Variants in CATSPERE observed in about 807,000 individuals in gnomAD.
CATSPERE encodes the protein cation channel sperm-associated auxiliary subunit epsilon.
A neutral mutation model predicts 114.1 loss-of-function variants in CATSPERE; 93 were observed. The ratio of observed to expected loss-of-function variants is 0.81; its 90% confidence interval spans 0.69 to 0.97. The LOEUF is 0.97. CATSPERE is among the 50% of genes least tolerant of loss of function. CATSPERE has a pLI of 0.00. For missense variants in CATSPERE, 1,058 were observed against 1,131.6 expected (o/e 0.93, Z 0.93); for synonymous variants, 341 against 384.1 (o/e 0.89, Z 1.31).
upstream of CATSPERE, chr1:244,454,317 G>T (rs1035295800): frequency 6.6e-6 from 1 of 152,230 alleles, no homozygotes; most frequent in Admixed American, 6.5e-5. Context: ...AAAAGTTTTT[G>T]AGCTTTGCCA....
intron 2 of CATSPERE, among the ~76,000 whole-genome samples, chr1:244,474,463 T>C (rs1332226398): frequency 6.6e-6 from 1 of 152,084 alleles, no homozygotes; most frequent in East Asian, 1.9e-4. Context: ...CAATTTCATG[T>C]ATTATTCTTT....
chr1:244,490,499 C>A (rs185697862), intron 6 of CATSPERE, 28 bp downstream of exon 6: 3 of 1,268,692 alleles, frequency 2.4e-6, no homozygotes, highest in Admixed American at 3.6e-5. Flanking sequence ...TTTTGTATAG[C>A]CTTCATATAT....
At chr1:244,556,733 C>A (rs1661635008) in intron 9 of CATSPERE, among the ~76,000 whole-genome samples, 1 of 152,242 alleles carries the variant, frequency 6.6e-6, no homozygotes, top group South Asian at 2.1e-4. Context: ...AGTACAATTT[C>A]AATTTTTATA....
In CATSPERE at chr1:244,477,430, G is replaced by A. The variant is rs551603365; in HGVS notation, c.115-111G>A. On this transcript the variant is annotated intron_variant, in intron 2 of 21. Coordinates refer to ENST00000366534, the MANE Select transcript of CATSPERE (RefSeq NM_001130957.2). The stretch of plus-strand genomic sequence containing the variant: ...ACAATTTAAAGGGAATTGAATTTTA[G>A]TTATTCTTTCTTTAAATAATTAGGA... 7 of 662,966 alleles carry A rather than the reference G, an allele frequency of 1.1e-5. No individual in the cohort carries two copies. The East Asian group carries it at 1.3e-4, about 12-fold the overall frequency. The allele number at this position is 662,966 out of a possible 1,614,324, so 41.1% of individuals were successfully genotyped here.
intron 10 of CATSPERE, among the ~76,000 whole-genome samples, chr1:244,567,967 C>G (rs758648704): frequency 3.2e-4 from 49 of 152,078 alleles, no homozygotes; most frequent in Non-Finnish European, 5.6e-4. Context: ...TTTTCTTCAT[C>G]TTTGTGGATT....
At chr1:244,540,379 A>C (rs1658468387) in intron 8 of CATSPERE, among the ~76,000 whole-genome samples, 1 of 80,898 alleles carries the variant, frequency 1.2e-5, no homozygotes, top group Non-Finnish European at 2.7e-5. Context: ...CAGAGAGCCA[A>C]ATCATGAGTG....
Position 244,461,318 on chromosome 1 carries a change from A to T in CATSPERE, c.-112A>T. ...TTCAGGCCCGGCCCGCCCTGTCCAG[A>T]GGCGCCGGGACCCAGGCGCCTGCAG... On this transcript the variant is annotated 5_prime_UTR_variant, in exon 1 of 22. Coordinates refer to ENST00000366534, the MANE Select transcript of CATSPERE (RefSeq NM_001130957.2). The T allele has an allele frequency of 1.1e-6, 1 of 923,296 alleles. No individual in the cohort carries two copies. Among genetic ancestry groups the T allele is most frequent in the Non-Finnish European group, 1.4e-6 (1 of 694,670 alleles). The allele number at this position is 923,296 out of a possible 1,614,324, so 57.2% of individuals were successfully genotyped here.
intron 2 of CATSPERE, among the ~76,000 whole-genome samples, chr1:244,468,182 T>C (rs35372186): frequency 0.13 from 19,974 of 151,588 alleles, 1,591 homozygotes; most frequent in Middle Eastern, 0.18. Flanking sequence ...AACCTCTGCC[T>C]CCCAGGTTCA....
intron 18 of CATSPERE, among the ~76,000 whole-genome samples, chr1:244,606,880 G>A (rs1178223023): frequency 6.6e-6 from 1 of 152,066 alleles, no homozygotes; most frequent in Admixed American, 6.5e-5. Flanking sequence ...GGGGTTACAG[G>A]CGTGAGCCAC....
At chr1:244,485,934 A>AATCCTCCTGCCTT (rs1414559781) in intron 5 of CATSPERE, among the ~76,000 whole-genome samples, 1 of 151,742 alleles carries the variant, frequency 6.6e-6, no homozygotes, top group Non-Finnish European at 1.5e-5. Context: ...GGCCTCAAGC[A>AATCCTCCTGCCTT]ATCCTCCTGC....
chr1:244,485,902 C>T (rs960398536), intron 5 of CATSPERE, among the ~76,000 whole-genome samples: 22 of 151,632 alleles, frequency 1.5e-4, no homozygotes, highest in Admixed American at 6.6e-5. Flanking sequence ...CACTTTGTTG[C>T]CCAAGGTAGT....
At chr1:244,469,589 A>G (rs1668139925) in intron 2 of CATSPERE, among the ~76,000 whole-genome samples, 1 of 152,228 alleles carries the variant, frequency 6.6e-6, no homozygotes, top group African/African-American at 2.4e-5. Flanking sequence ...AAGATAAACT[A>G]TTTCTATTTG....
intron 8 of CATSPERE, among the ~76,000 whole-genome samples, chr1:244,544,029 C>T (rs1659321012): frequency 6.6e-6 from 1 of 151,762 alleles, no homozygotes; most frequent in Non-Finnish European, 1.5e-5. Context: ...TCAGAAGAAA[C>T]AGCACAAAGC....
upstream of CATSPERE, chr1:244,451,734 G>A (rs1665618114): frequency 1.9e-6 from 3 of 1,607,990 alleles, no homozygotes; most frequent in Admixed American, 1.7e-5. The surrounding 1 kb of genome is among the most constrained non-coding windows in gnomAD (Gnocchi z 6.6). Context: ...CCGTCACCCG[G>A]TTTCCTCCGG....
At chr1:244,619,681 G>C (rs1309561762) in intron 20 of CATSPERE, among the ~76,000 whole-genome samples, 1 of 152,164 alleles carries the variant, frequency 6.6e-6, no homozygotes, top group Non-Finnish European at 1.5e-5. Flanking sequence ...TCCTGGTTTG[G>C]GGATGGGAGA....
chr1:244,509,645 G>A (rs999877284), intron 7 of CATSPERE, among the ~76,000 whole-genome samples: 23 of 152,144 alleles, frequency 1.5e-4, no homozygotes, highest in African/African-American at 5.5e-4. Flanking sequence ...AGTTTGCAGA[G>A]AACCGATATT....
intron 8 of CATSPERE, among the ~76,000 whole-genome samples, chr1:244,519,919 T>C (rs1443937169): frequency 1.3e-5 from 2 of 152,196 alleles, no homozygotes; most frequent in Non-Finnish European, 2.9e-5. Context: ...TGTCTTGATT[T>C]AACCCACCAT....
At chr1:244,544,959 G>A (rs1006273054) in intron 8 of CATSPERE, among the ~76,000 whole-genome samples, 12 of 152,110 alleles carry the variant, frequency 7.9e-5, no homozygotes, top group African/African-American at 2.2e-4. Context: ...CACCTTCAAT[G>A]TCCTACCTCA....
At position 244,572,520 on chromosome 1, in the gene CATSPERE, T is replaced by C; in HGVS notation, c.1698T>C (p.Tyr566=). 3 of 1,614,130 alleles carry C rather than the reference T, an allele frequency of 1.9e-6. No homozygotes were observed. Among genetic ancestry groups the C allele is most frequent in the Non-Finnish European group, 2.5e-6 (3 of 1,179,968 alleles). The change falls in exon 11 of 22, where the codon TAT becomes TAC. Residue 566 remains tyrosine, a synonymous_variant. Transcript: ENST00000366534. The stretch of plus-strand genomic sequence containing the variant: ...ATGGCACAATACAAATACAGGACTA[T>C]CCCTTACATCTGGAAGCACAAAGTA... ...LDDGTIQIQD[Y]PLHLEAQSIA...
Sources: allele counts gnomAD v4.1 joint callset (sites outside exome capture counted in the v4.1 genomes callset), GRCh38; gene constraint gnomAD v4.1.1; non-coding constraint Gnocchi (gnomAD v3.1); transcripts MANE v1.5; gene names NCBI Gene and HGNC (gene_info 2026-07-23, HGNC 2026-07-21).